UBR3: variants seen among roughly 807,000 people sequenced by gnomAD.
UBR3 encodes the protein E3 ubiquitin-protein ligase UBR3.
A neutral mutation model predicts 243.2 loss-of-function variants in UBR3; 85 were observed. The ratio of observed to expected loss-of-function variants is 0.35; its 90% CI spans 0.29 to 0.42. The LOEUF (loss-of-function observed/expected upper bound fraction) is 0.42, where lower values mean the gene tolerates loss of function less well. Among genes scored for constraint, UBR3 ranks in the 10% least tolerant of loss-of-function variants. The probability of loss-of-function intolerance (pLI) is 1.00; values close to 1 mark genes in which losing one functional copy is unlikely to be tolerated. For missense variants in UBR3, 1,686 were observed against 2,300.8 expected, an observed-to-expected ratio of 0.73 and a Z score of 5.47; for synonymous variants, 748 against 799.8, an observed-to-expected ratio of 0.94 and a Z score of 1.09.
chr2:169,998,646 G>T (rs1338266105), intron 26 of UBR3, among the ~76,000 whole-genome samples: 2 of 152,226 alleles, frequency 1.3e-5, no homozygotes, highest in Admixed American at 6.5e-5. Flanking sequence ...TAGAGCAGAA[G>T]AATGACTATC....
In UBR3 at chr2:170,008,824, A is replaced by G. The variant is rs1397103516; in HGVS notation, c.4251A>G (p.Lys1417=). The change falls in exon 29 of 39, where the codon AAA becomes AAG. Residue 1417 remains lysine, a synonymous_variant. Coordinates refer to ENST00000272793, the MANE Select transcript of UBR3 (RefSeq NM_172070.4). The part of the protein sequence containing the change: ...GAFPSETNLS[K]EMESVMKDIK... The stretch of plus-strand genomic sequence containing the variant: ...TATAGTCAGAAACAAATTTAAGTAA[A>G]GAAATGGAATCTGTAATGAAAGATA... 2 of 1,413,904 alleles carry G rather than the reference A, an allele frequency of 1.4e-6. No homozygotes were observed. The highest frequency in any genetic ancestry group is 2.9e-5 in the African/African-American group (2 of 69,266). The allele number at this position is 1,413,904 out of a possible 1,614,324, so 87.6% of individuals were successfully genotyped here.
intron 24 of UBR3, among the ~76,000 whole-genome samples, chr2:169,970,024 T>C (rs562841913): frequency 3.7e-4 from 56 of 151,768 alleles, no homozygotes; most frequent in Middle Eastern, 6.8e-3. Flanking sequence ...TTTCTATCTC[T>C]TTTTCTACCT....
At chr2:169,904,749 T>C (rs762450062) in intron 8 of UBR3, among the ~76,000 whole-genome samples, 1 of 152,168 alleles carries the variant, frequency 6.6e-6, no homozygotes, top group Non-Finnish European at 1.5e-5. Flanking sequence ...TTTTATTGAT[T>C]TCAACAGAAA....
intron 33 of UBR3, among the ~76,000 whole-genome samples, 190 bp downstream of exon 33, chr2:170,055,774 C>T (rs555799253): frequency 6.6e-6 from 1 of 152,244 alleles, no homozygotes; most frequent in African/African-American, 2.4e-5. Context: ...TGTCTCTAAA[C>T]CTCATCCTTT....
chr2:169,878,912 G>A (rs2083717277), intron 5 of UBR3, among the ~76,000 whole-genome samples: 1 of 152,078 alleles, frequency 6.6e-6, no homozygotes, highest in South Asian at 2.1e-4. Context: ...GTTGTCATAT[G>A]TACAATGAAA....
chr2:170,019,785 T>C (rs2090339904), intron 30 of UBR3, among the ~76,000 whole-genome samples: 1 of 152,138 alleles, frequency 6.6e-6, no homozygotes, highest in Non-Finnish European at 1.5e-5. Flanking sequence ...AATTACCCTT[T>C]TATTGTTGAG....
chr2:170,067,901 T>G (rs1210299562), intron 35 of UBR3, among the ~76,000 whole-genome samples: 5 of 151,704 alleles, frequency 3.3e-5, no homozygotes, highest in Non-Finnish European at 7.4e-5. Flanking sequence ...CCTGAATAGC[T>G]GGGATTACAG....
chr2:170,082,175 G>A lies in UBR3; in HGVS notation c.*332G>A. 5.4e-6 allele frequency: 1 copy of A among 184,284 alleles called. No individual in the cohort carries two copies. The highest frequency in any genetic ancestry group is 6.2e-5 in the Admixed American group (1 of 16,222). The allele number at this position is 184,284 out of a possible 1,614,324, so 11.4% of individuals were successfully genotyped here. The stretch of plus-strand genomic sequence containing the variant: ...TATCAGCTATTCATTGATACTTAGA[G>A]TGGGTGTGATTTATTTGACATTTTA... On this transcript the variant is annotated 3_prime_UTR_variant, in exon 39 of 39. Transcript: ENST00000272793.
chr2:169,917,697 T>G (rs1181672575), intron 11 of UBR3, among the ~76,000 whole-genome samples: 1 of 152,108 alleles, frequency 6.6e-6, no homozygotes, highest in Non-Finnish European at 1.5e-5. Context: ...AATATGTTAT[T>G]TATTTATTTA....
chr2:169,842,455 G>A (rs983896015), intron 1 of UBR3, among the ~76,000 whole-genome samples: 10 of 151,848 alleles, frequency 6.6e-5, no homozygotes, highest in South Asian at 2.1e-4. Context: ...CAACCCTCTC[G>A]GGTCCCCTTC....
chr2:170,073,377 G>A (rs767409192), intron 35 of UBR3, 51 bp from the exon 36 acceptor site: 21 of 1,602,478 alleles, frequency 1.3e-5, no homozygotes, highest in Non-Finnish European at 1.6e-5. Flanking sequence ...TATGTAATAG[G>A]AAATGTTCTT....
intron 22 of UBR3, among the ~76,000 whole-genome samples, chr2:169,948,445 G>T (rs1250099714): frequency 6.6e-6 from 1 of 151,986 alleles, no homozygotes; most frequent in Non-Finnish European, 1.5e-5. Flanking sequence ...CTCATTGCAT[G>T]TAAGTTAACT....
intron 10 of UBR3, among the ~76,000 whole-genome samples, chr2:169,906,992 T>C (rs1168715188): frequency 6.6e-6 from 1 of 151,856 alleles, no homozygotes; most frequent in African/African-American, 2.4e-5. Context: ...TAAATGCAGA[T>C]GACTTACAGC....
At chr2:169,890,910 G>A (rs1223966976) in intron 5 of UBR3, among the ~76,000 whole-genome samples, 2 of 150,084 alleles carry the variant, frequency 1.3e-5, no homozygotes, top group Admixed American at 1.3e-4. Flanking sequence ...TTGGCATTTT[G>A]GGGTACTTAA....
intron 1 of UBR3, among the ~76,000 whole-genome samples, chr2:169,845,511 T>A (rs1198961448): frequency 7.2e-6 from 1 of 139,284 alleles, no homozygotes; most frequent in African/African-American, 3.1e-5. Flanking sequence ...ATCGTCGTCG[T>A]CGTCGTCGTC....
chr2:169,942,774 A>T (rs766581476), intron 20 of UBR3, 140 bp downstream of exon 20: 1 of 861,364 alleles, frequency 1.2e-6, no homozygotes, highest in Non-Finnish European at 1.6e-6. Context: ...GATATGTTAT[A>T]ATCACATGTA....
chr2:169,968,097 C>G (rs1421866125), intron 24 of UBR3, among the ~76,000 whole-genome samples: 1 of 152,018 alleles, frequency 6.6e-6, no homozygotes, highest in African/African-American at 2.4e-5. Flanking sequence ...TACATAATAA[C>G]TACATATTTA....
At chr2:170,035,909 T>TTTGG (rs201436193) in intron 31 of UBR3, among the ~76,000 whole-genome samples, 1 of 21,938 alleles carries the variant, frequency 4.6e-5, no homozygotes, top group Non-Finnish European at 1.4e-4. Flanking sequence ...AAGTATTTTA[T>TTTGG]TGGGGGGGGG....
At chr2:169,981,263 G>A (rs1201563913) in intron 24 of UBR3, among the ~76,000 whole-genome samples, 1 of 152,046 alleles carries the variant, frequency 6.6e-6, no homozygotes, top group Non-Finnish European at 1.5e-5. Flanking sequence ...TGGAAAGGGG[G>A]AAAAGAGTTA....
Sources: gnomAD v4.1 joint callset for allele counts (sites outside exome capture counted in the v4.1 genomes callset) on GRCh38, gnomAD v4.1.1 for gene constraint, MANE v1.5 for transcripts, NCBI Gene and HGNC (gene_info 2026-07-23, HGNC 2026-07-21) for gene names.